MARCHF1: variants seen among roughly 807,000 people sequenced by gnomAD.
MARCHF1 encodes E3 ubiquitin-protein ligase MARCHF1.
A neutral mutation model predicts 54.2 loss-of-function variants in MARCHF1; 40 were observed. The observed-to-expected ratio is 0.74, with a 90% CI of 0.57 to 0.96. The LOEUF (loss-of-function observed/expected upper bound fraction) is 0.96, where lower values mean the gene tolerates loss of function less well. MARCHF1 is among the 40% of genes least tolerant of loss of function. The probability of loss-of-function intolerance (pLI) is 0.00; values close to 1 mark genes in which losing one functional copy is unlikely to be tolerated. For missense variants in MARCHF1, 586 were observed against 656.5 expected (o/e 0.89, Z 1.17); for synonymous variants, 236 against 236.3 (o/e 1.00, Z 0.01).
intron 1 of MARCHF1, among the ~76,000 whole-genome samples, chr4:164,153,818 T>G (rs1430985): frequency 0.2 from 29,907 of 152,056 alleles, 4,796 homozygotes; most frequent in African/African-American, 0.43. Flanking sequence ...ACAAAAGTCA[T>G]AAAAAACAAC....
chr4:164,142,063 C>T (rs1045918196), intron 1 of MARCHF1, among the ~76,000 whole-genome samples: 6 of 152,076 alleles, frequency 3.9e-5, no homozygotes, highest in Non-Finnish European at 7.4e-5. Context: ...GGGTGACAGA[C>T]GGCACCTGGA....
At chr4:163,840,842 G>T in intron 4 of MARCHF1, among the ~76,000 whole-genome samples, 3 of 152,030 alleles carry the variant, frequency 2.0e-5, no homozygotes, top group Non-Finnish European at 4.4e-5. Context: ...ATTAATTAAT[G>T]ATTTTGGTAA....
At chr4:163,630,084 C>T (rs546958039) in intron 5 of MARCHF1, among the ~76,000 whole-genome samples, 75 of 152,150 alleles carry the variant, frequency 4.9e-4, no homozygotes, top group Non-Finnish European at 1.0e-3. Context: ...CTTTTATATA[C>T]TTACCTAAGA....
At position 163,855,231 on chromosome 4, in the gene MARCHF1, T is replaced by C. The variant is rs78913142; in HGVS notation, c.-38-1062A>G. Among the ~76,000 whole-genome samples, 11 of 152,210 alleles carry C rather than the reference T, an allele frequency of 7.2e-5. No individual in the cohort carries two copies. In the East Asian group the frequency reaches 2.1e-3, roughly 29 times the overall value. ...GAAAGTGATAAAAAAGATCTTTTAT[T>C]AAAAATGTCTAAGATACTCAACAGA... On this transcript the variant is annotated intron_variant, in intron 3 of 9. Transcript: ENST00000514618.
At chr4:163,684,812 G>A (rs1033276615) in intron 5 of MARCHF1, among the ~76,000 whole-genome samples, 2 of 152,164 alleles carry the variant, frequency 1.3e-5, no homozygotes, top group Admixed American at 6.5e-5. Context: ...AAAGTTGAAA[G>A]AATTATGCAG....
intron 4 of MARCHF1, among the ~76,000 whole-genome samples, chr4:163,786,765 C>T (rs1747633259): frequency 6.6e-6 from 1 of 151,758 alleles, no homozygotes; most frequent in South Asian, 2.1e-4. Flanking sequence ...TCTCAAAGGA[C>T]ACTAAATAGC....
At chr4:164,356,780 C>CAAAAAAAAAAAAAAAAGCA (rs58855405) in intron 1 of MARCHF1, among the ~76,000 whole-genome samples, 189 of 103,166 alleles carry the variant, frequency 1.8e-3, no homozygotes, top group African/African-American at 6.4e-3. Flanking sequence ...AAAAGAAAAG[C>CAAAAAAAAAAAAAAAAGCA]AAAAAAAAAA....
intron 1 of MARCHF1, among the ~76,000 whole-genome samples, chr4:164,254,463 G>T (rs1733215069): frequency 6.6e-6 from 1 of 150,852 alleles, no homozygotes; most frequent in African/African-American, 2.4e-5. Flanking sequence ...AATTATATAT[G>T]ATAGTTTACA....
chr4:164,112,893 C>T (rs375982182), intron 1 of MARCHF1, among the ~76,000 whole-genome samples: 114 of 148,384 alleles, frequency 7.7e-4, no homozygotes, highest in East Asian at 5.4e-3. Flanking sequence ...TTTCCACTTT[C>T]GCTGTTTTTT....
At chr4:163,563,256 C>G (rs929635996) in intron 8 of MARCHF1, among the ~76,000 whole-genome samples, 2 of 152,280 alleles carry the variant, frequency 1.3e-5, no homozygotes, top group South Asian at 4.1e-4. Flanking sequence ...TTCTCACAAC[C>G]TTTCTGTGGT....
chr4:164,008,116 G>C (rs114837865), intron 2 of MARCHF1, among the ~76,000 whole-genome samples: 30 of 152,176 alleles, frequency 2.0e-4, no homozygotes, highest in African/African-American at 7.0e-4. Flanking sequence ...GATGCATATA[G>C]GCTGAAATTA....
chr4:163,720,961 A>G (rs1404353583), intron 4 of MARCHF1, among the ~76,000 whole-genome samples: 1 of 152,200 alleles, frequency 6.6e-6, no homozygotes, highest in African/African-American at 2.4e-5. Context: ...ATATACAATC[A>G]TGTCATCTGC....
Position 164,268,510 on chromosome 4 carries a change from T to TC in MARCHF1, c.-323+115359dup, listed in dbSNP as rs1463367704. ...TAAGATTTACAGACCCTTCAGAAAT[T>TC]CCTATAAGCTTGGGTTCTGTGCCCA... On this transcript the variant is annotated intron_variant, in intron 1 of 9. Coordinates refer to ENST00000514618, the MANE Select transcript of MARCHF1 (RefSeq NM_001394959.1). Among the ~76,000 whole-genome samples the TC allele has an allele frequency of 4.6e-5, 7 of 152,242 alleles. No individual in the cohort carries two copies. In the East Asian group the frequency reaches 1.4e-3, roughly 29 times the overall value.
At chr4:163,890,228 C>G (rs1442936297) in intron 3 of MARCHF1, among the ~76,000 whole-genome samples, 1 of 151,918 alleles carries the variant, frequency 6.6e-6, no homozygotes, top group Non-Finnish European at 1.5e-5. Flanking sequence ...GCCACCACGC[C>G]CAGCCTCTTT....
intron 1 of MARCHF1, among the ~76,000 whole-genome samples, chr4:164,249,239 G>A (rs1010015204): frequency 4.6e-5 from 7 of 152,084 alleles, no homozygotes; most frequent in Non-Finnish European, 8.8e-5. Flanking sequence ...CAAGTGAAGC[G>A]TGAAGTTGGG....
intron 1 of MARCHF1, among the ~76,000 whole-genome samples, chr4:164,291,616 A>G (rs1329706985): frequency 6.6e-6 from 1 of 152,072 alleles, no homozygotes; most frequent in Non-Finnish European, 1.5e-5. Flanking sequence ...AGCCTACTCC[A>G]TACCCAGGAT....
intron 5 of MARCHF1, among the ~76,000 whole-genome samples, chr4:163,634,413 A>C (rs966260040): frequency 5.4e-5 from 8 of 147,416 alleles, no homozygotes; most frequent in East Asian, 2.0e-4. Context: ...TCTACCAAGC[A>C]AATGGAAAAC....
chr4:164,109,912 T>TAAAAAAAAAAAGAAAA (rs1755795901), intron 2 of MARCHF1, among the ~76,000 whole-genome samples: 2 of 63,148 alleles, frequency 3.2e-5, no homozygotes, highest in Non-Finnish European at 5.4e-5. Flanking sequence ...AAAATAAAAG[T>TAAAAAAAAAAAGAAAA]AAAAAAAAAA....
intron 4 of MARCHF1, among the ~76,000 whole-genome samples, chr4:163,847,769 C>A (rs540669608): frequency 6.6e-6 from 1 of 151,590 alleles, no homozygotes; most frequent in Non-Finnish European, 1.5e-5. Context: ...TTATTAGAGA[C>A]AGGATTTCAC....
Sources: allele counts gnomAD v4.1 joint callset (sites outside exome capture counted in the v4.1 genomes callset), GRCh38; gene constraint gnomAD v4.1.1; transcripts MANE v1.5; gene names NCBI Gene and HGNC (gene_info 2026-07-23, HGNC 2026-07-21).